The following IQCF3 variants were observed in gnomAD, a reference collection of about 807,000 sequenced individuals.
IQCF3 encodes the protein IQ domain-containing protein F3.
A neutral mutation model predicts 5.1 loss-of-function variants in IQCF3; 7 were observed. The observed-to-expected ratio is 1.36, with a 90% confidence interval of 0.78 to 2.56. The LOEUF (loss-of-function observed/expected upper bound fraction) is 2.56, where lower values mean the gene tolerates loss of function less well. IQCF3 is among the 30% of genes most tolerant of loss of function. IQCF3 has a pLI of 0.00. For missense variants in IQCF3, 189 were observed against 196.5 expected, an observed-to-expected ratio of 0.96 and a Z score of 0.23; for synonymous variants, 82 against 72.8, an observed-to-expected ratio of 1.13 and a Z score of -0.64.
chr3:51,829,283 C>G, upstream of IQCF3: 2 of 624,154 alleles, frequency 3.2e-6, no homozygotes, highest in Non-Finnish European at 5.8e-6. Context: ...GAGAGTTGCC[C>G]AAGGAAGTCA....
upstream of IQCF3, chr3:51,829,398 C>T: frequency 6.6e-7 from 1 of 1,524,722 alleles, no homozygotes; most frequent in Non-Finnish European, 8.9e-7. Flanking sequence ...CCATCTCTTT[C>T]TCCACCTTTC....
At position 51,830,853 on chromosome 3, in the gene IQCF3, A is replaced by G; in HGVS notation, c.*52A>G. 6.7e-7 allele frequency: 1 copy of G among 1,493,698 alleles called. No individual in the cohort carries two copies. The allele number at this position is 1,493,698 out of a possible 1,614,324, so 92.5% of individuals were successfully genotyped here. On this transcript the variant is annotated 3_prime_UTR_variant, in exon 3 of 3. Coordinates refer to ENST00000440739, the MANE Select transcript of IQCF3 (RefSeq NM_001393887.1). This position sits in a 1 kb window ranked among gnomAD's most constrained non-coding sequence, Gnocchi z 4.1. ...GCACTACCCTAATAAATGTCTGACC[A>G]GGTTGTGTGAGTCTCAGTGATTCCC... is the stretch of plus-strand genomic sequence containing the variant.
chr3:51,830,637 C>A lies in IQCF3; in HGVS notation c.301C>A (p.Arg101Ser). 4 of 1,613,998 alleles carry A rather than the reference C, an allele frequency of 2.5e-6. No individual in the cohort carries two copies. The highest frequency in any genetic ancestry group is 3.4e-6 in the Non-Finnish European group (4 of 1,179,890). Residue 101 changes from arginine to serine, a missense_variant, in exon 3 of 3, where the codon CGC becomes AGC. Transcript: ENST00000440739. This position sits in a 1 kb window ranked among gnomAD's most constrained non-coding sequence, Gnocchi z 4.1. ...QATVKLQSCI[R>S]MWQCRQCYRQ... is the part of the protein sequence containing the mutation. ...GACGGTCAAGCTCCAGTCCTGCATC[C>A]GCATGTGGCAGTGCCGGCAATGTTA...
rs554340390 is a variant in IQCF3, at chr3:51,830,214, C to T, written c.67-189C>T. ...AGAAGTCCACAGATCAAACATATCCCGATTTCATAGATGAGGGCACTGGGA... is the reference window on the plus strand; with the variant it reads ...AGAAGTCCACAGATCAAACATATCCTGATTTCATAGATGAGGGCACTGGGA... On this transcript the variant is annotated intron_variant, in intron 2 of 2. Coordinates refer to ENST00000440739, the MANE Select transcript of IQCF3 (RefSeq NM_001393887.1). This position sits in a 1 kb window ranked among gnomAD's most constrained non-coding sequence, Gnocchi z 4.1. 9.2e-5 allele frequency among the ~76,000 whole-genome samples: 14 copies of T among 152,290 alleles called. No individual in the cohort carries two copies. Among genetic ancestry groups the T allele is most frequent in the African/African-American group, 2.6e-4 (11 of 41,562 alleles).
Position 51,829,728 on chromosome 3 carries a change from G to A in IQCF3, c.66+16G>A. 6.2e-7 allele frequency: 1 copy of A among 1,612,088 alleles called. No homozygotes were observed. Among genetic ancestry groups the A allele is most frequent in the South Asian group, 1.1e-5 (1 of 90,664 alleles). On this transcript the variant is annotated intron_variant, in intron 2 of 2. Transcript: ENST00000440739. ...GCGGCAGAAGGTAGGTGGGGCCCAGGAGGGTGAGAGAATTGCAGATCATTG... is the reference window on the plus strand; with the variant it reads ...GCGGCAGAAGGTAGGTGGGGCCCAGAAGGGTGAGAGAATTGCAGATCATTG...
chr3:51,830,613 A>G lies in IQCF3; in HGVS notation c.277A>G (p.Thr93Ala). 6.2e-7 allele frequency: 1 copy of G among 1,613,940 alleles called. No individual in the cohort carries two copies. The highest frequency in any genetic ancestry group is 8.5e-7 in the Non-Finnish European group (1 of 1,179,872). ...LRVYVIQEQATVKLQSCIRMW... is the reference protein window; with the variant it reads ...LRVYVIQEQAAVKLQSCIRMW... ...GGTCTACGTCATCCAGGAGCAGGCG[A>G]CGGTCAAGCTCCAGTCCTGCATCCG... The change falls in exon 3 of 3, where the codon ACG becomes GCG. Residue 93 changes from threonine (T) to alanine (A), a missense_variant. Transcript: ENST00000440739. This position sits in a 1 kb window ranked among gnomAD's most constrained non-coding sequence, Gnocchi z 4.1.
In IQCF3 at chr3:51,829,710, A is replaced by G. The variant is rs756495125; in HGVS notation, c.64A>G (p.Lys22Glu). Reference sequence around the variant, plus strand: ...TGCAGTAGAAAGACAGAGGCGGCAGAAGGTAGGTGGGGCCCAGGAGGGTGA... The same window carrying G: ...TGCAGTAGAAAGACAGAGGCGGCAGGAGGTAGGTGGGGCCCAGGAGGGTGA... ...EDAVERQRRQ[K>E]LLLAQLHHRK... Residue 22 changes from lysine (K) to glutamate (E), a missense_variant and splice_region_variant, in exon 2 of 3, where the codon AAG (lysine) becomes GAG (glutamate). Transcript: ENST00000440739. 6.2e-7 allele frequency: 1 copy of G among 1,613,690 alleles called. No homozygotes were observed. The highest frequency in any genetic ancestry group is 1.1e-5 in the South Asian group (1 of 90,944).
At chr3:51,829,383 C>T, upstream of IQCF3, 1 of 1,444,552 alleles carries the variant, frequency 6.9e-7, no homozygotes, top group South Asian at 1.2e-5. Context: ...TTTGTGACAT[C>T]ACGGCCATCT....
upstream of IQCF3, chr3:51,828,793 C>A (rs538274047): frequency 3.9e-5 from 6 of 152,210 alleles, no homozygotes; most frequent in African/African-American, 1.2e-4. Context: ...TCTTGTCCTG[C>A]GCTTTATTTT....
At chr3:51,829,632 C>G in intron 1 of IQCF3, 33 bp from the exon 2 acceptor site, 2 of 1,612,006 alleles carry the variant, frequency 1.2e-6, no homozygotes, top group Non-Finnish European at 1.7e-6. Context: ...TGGTCCTCAC[C>G]CATGCTCCCC....
At chr3:51,828,690 A>AG (rs2107193043), upstream of IQCF3, 1 of 152,326 alleles carries the variant, frequency 6.6e-6, no homozygotes, top group South Asian at 2.1e-4. Flanking sequence ...TGAGCTGGGG[A>AG]GGGGCCTTTC....
At chr3:51,828,162 C>G (rs927773090), upstream of IQCF3, 1 of 151,404 alleles carries the variant, frequency 6.6e-6, no homozygotes, top group Non-Finnish European at 1.5e-5. Flanking sequence ...TTAGGATCTT[C>G]TTTTTCCTTG....
rs371775341 is a variant in IQCF3, at chr3:51,830,484, C to G, written c.148C>G (p.Arg50Gly). The G allele has an allele frequency of 1.2e-6, 2 of 1,612,330 alleles. No individual in the cohort carries two copies. Among genetic ancestry groups the G allele is most frequent in the Non-Finnish European group, 8.5e-7 (1 of 1,179,054 alleles). The stretch of plus-strand genomic sequence containing the variant: ...GGCCTGGTGGCGTGGGGTCCTGGTG[C>G]GCAGGACCCTGCTGGTTGCTGCCCT... ...IQAWWRGVLV[R>G]RTLLVAALRA... is the part of the protein sequence containing the mutation. The change falls in exon 3 of 3, where the codon CGC (arginine) becomes GGC (glycine). Residue 50 changes from arginine to glycine, a missense_variant. Arg to Gly is a moderately radical substitution (Grantham distance 125). Coordinates refer to ENST00000440739, the MANE Select transcript of IQCF3 (RefSeq NM_001393887.1). This position sits in a 1 kb window ranked among gnomAD's most constrained non-coding sequence, Gnocchi z 4.1.
rs1372293032 is a variant in IQCF3 at position 51,829,655 on chromosome 3, C to T, written c.19-10C>T. The T allele has an allele frequency of 1.2e-6, 2 of 1,613,464 alleles. No homozygotes were observed. Among genetic ancestry groups the T allele is most frequent in the Non-Finnish European group, 8.5e-7 (1 of 1,179,762 alleles). ...ACCCATGCTCCCCCACACCCATATT[C>T]CGATTGCAGAAAGGTGGTCCAGATG... On this transcript the variant is annotated splice_polypyrimidine_tract_variant and intron_variant, in intron 1 of 2. Transcript: ENST00000440739.
Position 51,830,319 on chromosome 3 carries a change from G to A in IQCF3, c.67-84G>A, listed in dbSNP as rs866768662. On this transcript the variant is annotated intron_variant, in intron 2 of 2. Transcript: ENST00000440739. This position sits in a 1 kb window ranked among gnomAD's most constrained non-coding sequence, Gnocchi z 4.1. The stretch of plus-strand genomic sequence containing the variant: ...CAGGTCTCCTGGGTCCTCAAAACCA[G>A]CAGGGAGAGGGCTGATTCTTTAGAG... The A allele has an allele frequency of 4.6e-5, 68 of 1,482,084 alleles. No individual in the cohort carries two copies. In the South Asian group the frequency reaches 7.6e-4, roughly 17 times the overall value. 91.8% of individuals were successfully genotyped at this position (1,482,084 alleles called of 1,614,324 possible).
rs1382860112 is a variant in IQCF3 at position 51,829,673 on chromosome 3, T to C, written c.27T>C (p.Gly9=). Residue 9 remains glycine (G), a synonymous_variant, in exon 2 of 3, where the codon GGT becomes GGC. Transcript: ENST00000440739. ...CCATATTCCGATTGCAGAAAGGTGG[T>C]CCAGATGAAGATGCAGTAGAAAGAC... The part of the protein sequence containing the change: MGSKCCKG[G]PDEDAVERQR... 2 of 1,613,584 alleles carry C rather than the reference T, an allele frequency of 1.2e-6. No individual in the cohort carries two copies. Among genetic ancestry groups the C allele is most frequent in the African/African-American group, 2.7e-5 (2 of 74,862 alleles).
At chr3:51,829,026 T>C (rs956205054), upstream of IQCF3, among the ~76,000 whole-genome samples, 9 of 152,290 alleles carry the variant, frequency 5.9e-5, no homozygotes, top group East Asian at 1.5e-3. Context: ...AAATGTCTTA[T>C]AAAAACATTT....
intron 2 of IQCF3, chr3:51,829,926 G>C: frequency 3.4e-6 from 2 of 582,554 alleles, no homozygotes; most frequent in Non-Finnish European, 6.2e-6. Context: ...CTCAGCACAG[G>C]AAGTGGAAAG....
rs1199876450 is a variant in IQCF3 at position 51,830,699 on chromosome 3, C to T, written c.363C>T (p.Val121=). ...GCAATGCTCTCTGCTTGTTCCAGGT[C>T]CCAGAGAGCAGCCTTGCCTTCCAGA... ...QMCNALCLFQ[V]PESSLAFQTD... is the part of the protein sequence containing the mutation. The change falls in exon 3 of 3, where the codon GTC becomes GTT. Residue 121 remains valine, a synonymous_variant. Transcript: ENST00000440739. This position sits in a 1 kb window ranked among gnomAD's most constrained non-coding sequence, Gnocchi z 4.1. 6.2e-7 allele frequency: 1 copy of T among 1,613,882 alleles called. No homozygotes were observed. The highest frequency in any genetic ancestry group is 8.5e-7 in the Non-Finnish European group (1 of 1,179,896).
Sources: allele counts gnomAD v4.1 joint callset (sites outside exome capture counted in the v4.1 genomes callset), GRCh38; gene constraint gnomAD v4.1.1; non-coding constraint Gnocchi (gnomAD v3.1); transcripts MANE v1.5; gene names NCBI Gene and HGNC (gene_info 2026-07-23, HGNC 2026-07-21).